VWC2: variants seen among roughly 807,000 people sequenced by gnomAD.
VWC2 encodes the protein brorin.
A neutral mutation model predicts 29.8 loss-of-function variants in VWC2; 14 were observed. The ratio of observed to expected loss-of-function variants is 0.47; its 90% CI spans 0.31 to 0.74. VWC2 has a LOEUF of 0.74. Among genes scored for constraint, VWC2 ranks in the 30% least tolerant of loss-of-function variants. VWC2 has a pLI of 0.05. For synonymous variants in VWC2, 213 were observed against 199.0 expected (o/e 1.07, Z -0.59); for missense variants, 457 against 459.8 (o/e 0.99, Z 0.05).
intron 2 of VWC2, among the ~76,000 whole-genome samples, chr7:49,777,024 G>A (rs1395703208): frequency 6.6e-6 from 1 of 152,246 alleles, no homozygotes; most frequent in Non-Finnish European, 1.5e-5. Flanking sequence ...TAGTTTGGGT[G>A]AAGGTGCTGC....
At chr7:49,904,028 T>G (rs1221702219) in intron 3 of VWC2, among the ~76,000 whole-genome samples, 1 of 152,156 alleles carries the variant, frequency 6.6e-6, no homozygotes, top group Non-Finnish European at 1.5e-5. Flanking sequence ...ATTTTGTAAA[T>G]GAACTCTCCC....
intron 3 of VWC2, among the ~76,000 whole-genome samples, chr7:49,804,457 C>T (rs1481696318): frequency 6.6e-6 from 1 of 152,160 alleles, no homozygotes; most frequent in Admixed American, 6.5e-5. Flanking sequence ...ACAACTCTCA[C>T]TGCGTCAAGG....
intron 3 of VWC2, among the ~76,000 whole-genome samples, chr7:49,809,027 G>A (rs372901491): frequency 2.6e-4 from 39 of 151,986 alleles, no homozygotes; most frequent in African/African-American, 9.1e-4. Flanking sequence ...CTCAAAAATA[G>A]GAGCATAAAT....
At chr7:49,841,050 G>T (rs1789781736) in intron 3 of VWC2, among the ~76,000 whole-genome samples, 1 of 152,180 alleles carries the variant, frequency 6.6e-6, no homozygotes, top group Non-Finnish European at 1.5e-5. Flanking sequence ...GAAATATTTG[G>T]TCTTATTTGG....
chr7:49,803,053 G>A (rs1233023213), intron 3 of VWC2, among the ~76,000 whole-genome samples: 2 of 152,232 alleles, frequency 1.3e-5, no homozygotes, highest in African/African-American at 4.8e-5. Context: ...TTTTATGGAT[G>A]TTAAGAAGTT....
At chr7:49,852,352 A>G (rs1469795802) in intron 3 of VWC2, among the ~76,000 whole-genome samples, 1 of 152,214 alleles carries the variant, frequency 6.6e-6, no homozygotes, top group Non-Finnish European at 1.5e-5. Flanking sequence ...TTCAAAGAAG[A>G]GGCCTGGCAG....
chr7:49,844,267 C>T (rs1789866199), intron 3 of VWC2, among the ~76,000 whole-genome samples: 1 of 152,142 alleles, frequency 6.6e-6, no homozygotes, highest in South Asian at 2.1e-4. Flanking sequence ...TGAAGGGCGT[C>T]GATTCTATCC....
chr7:49,877,639 TC>T (rs1379199408), intron 3 of VWC2, among the ~76,000 whole-genome samples: 1 of 149,256 alleles, frequency 6.7e-6, no homozygotes, highest in Non-Finnish European at 1.5e-5. Flanking sequence ...CTGTGATTTA[TC>T]TGATGATGAT....
intron 3 of VWC2, among the ~76,000 whole-genome samples, chr7:49,869,924 C>CTTTTCTATA (rs1013072854): frequency 6.6e-6 from 1 of 151,866 alleles, no homozygotes; most frequent in Admixed American, 6.6e-5. Context: ...AAAGGAATGA[C>CTTTTCTATA]TACTTGATAT....
intron 3 of VWC2, among the ~76,000 whole-genome samples, chr7:49,826,172 A>G (rs1789387109): frequency 6.6e-6 from 1 of 152,142 alleles, no homozygotes; most frequent in African/African-American, 2.4e-5. Context: ...TCTACCTTCC[A>G]ATAATTATTC....
intron 3 of VWC2, among the ~76,000 whole-genome samples, chr7:49,817,006 T>C (rs1427337614): frequency 6.6e-6 from 1 of 152,190 alleles, no homozygotes; most frequent in African/African-American, 2.4e-5. Flanking sequence ...CAAATTGAGT[T>C]TCTTAAAGGT....
intron 2 of VWC2, among the ~76,000 whole-genome samples, chr7:49,791,990 A>C (rs540683924): frequency 6.6e-6 from 1 of 152,186 alleles, no homozygotes; most frequent in South Asian, 2.1e-4. Flanking sequence ...CTCTTTGTGT[A>C]GGTGCAGTGG....
chr7:49,872,308 G>C (rs1439399826), intron 3 of VWC2, among the ~76,000 whole-genome samples: 1 of 152,028 alleles, frequency 6.6e-6, no homozygotes, highest in East Asian at 1.9e-4. Context: ...AACATGAAAG[G>C]TCTTGGATTT....
chr7:49,812,116 A>G (rs879866500), intron 3 of VWC2, among the ~76,000 whole-genome samples: 3 of 152,232 alleles, frequency 2.0e-5, no homozygotes, highest in Admixed American at 1.3e-4. Context: ...AAATTTATAT[A>G]GGAAGAAAAT....
At chr7:49,895,286 C>T (rs1043726566) in intron 3 of VWC2, among the ~76,000 whole-genome samples, 4 of 152,114 alleles carry the variant, frequency 2.6e-5, no homozygotes, top group African/African-American at 9.7e-5. Context: ...AGGGCTCTGC[C>T]CTCATGACTT....
chr7:49,779,319 C>T (rs1788124856), intron 2 of VWC2, among the ~76,000 whole-genome samples: 2 of 152,156 alleles, frequency 1.3e-5, no homozygotes, highest in Non-Finnish European at 1.5e-5. Context: ...TTAAAACTTC[C>T]TCTCTTTACA....
chr7:49,826,063 C>T (rs1292726272), intron 3 of VWC2, among the ~76,000 whole-genome samples: 1 of 152,106 alleles, frequency 6.6e-6, no homozygotes, highest in African/African-American at 2.4e-5. Flanking sequence ...AAAAACCCAC[C>T]ACAGGCAAAA....
chr7:49,823,571 C>T (rs918002235), intron 3 of VWC2, among the ~76,000 whole-genome samples: 1 of 152,096 alleles, frequency 6.6e-6, no homozygotes, highest in Non-Finnish European at 1.5e-5. Flanking sequence ...ATTCCTGGGC[C>T]GTAAATATCC....
intron 2 of VWC2, among the ~76,000 whole-genome samples, chr7:49,777,774 T>G (rs1241971414): frequency 6.6e-6 from 1 of 152,034 alleles, no homozygotes; most frequent in African/African-American, 2.4e-5. Context: ...AGAACAAAAG[T>G]TCACAGGCAA....
Sources: allele counts gnomAD v4.1 joint callset (sites outside exome capture counted in the v4.1 genomes callset), GRCh38; gene constraint gnomAD v4.1.1; transcripts MANE v1.5; gene names NCBI Gene and HGNC (gene_info 2026-07-23, HGNC 2026-07-21).